The following LRRTM4 variants were observed in gnomAD, a reference collection of about 807,000 sequenced individuals.
The protein encoded by LRRTM4 is leucine-rich repeat transmembrane neuronal protein 4.
LRRTM4 carries 25 observed loss-of-function variants against 47.6 expected under a neutral mutation model. The ratio of observed to expected loss-of-function variants is 0.53; its 90% CI spans 0.38 to 0.73. LRRTM4 has a LOEUF of 0.73. Among genes scored for constraint, LRRTM4 ranks in the 30% least tolerant of loss-of-function variants. The pLI is 0.00. For synonymous variants in LRRTM4, 311 were observed against 269.5 expected, an observed-to-expected ratio of 1.15 and a Z score of -1.51; for missense variants, 638 against 713.4, an observed-to-expected ratio of 0.89 and a Z score of 1.20.
intron 3 of LRRTM4, among the ~76,000 whole-genome samples, chr2:76,994,800 CT>C (rs1457024195): frequency 6.6e-6 from 1 of 151,886 alleles, no homozygotes; most frequent in Non-Finnish European, 1.5e-5. Flanking sequence ...GTATTATCTG[CT>C]GTTTTGATGA....
At chr2:77,102,294 C>T (rs1034851868) in intron 3 of LRRTM4, among the ~76,000 whole-genome samples, 1 of 152,190 alleles carries the variant, frequency 6.6e-6, no homozygotes, top group Non-Finnish European at 1.5e-5. Flanking sequence ...TTCCCCATTC[C>T]TCTGCTTCCA....
chr2:76,772,742 T>C (rs932650931), intron 3 of LRRTM4, among the ~76,000 whole-genome samples: 1 of 152,210 alleles, frequency 6.6e-6, no homozygotes, highest in African/African-American at 2.4e-5. Context: ...ATAAGACATT[T>C]TGAGAAAGAG....
chr2:76,880,931 A>G (rs1046491422), intron 3 of LRRTM4, among the ~76,000 whole-genome samples: 3 of 152,160 alleles, frequency 2.0e-5, no homozygotes, highest in Admixed American at 6.6e-5. Context: ...CGAAGATACA[A>G]GAGTCTGGGA....
chr2:77,382,579 A>G (rs1012887892), intron 3 of LRRTM4, among the ~76,000 whole-genome samples: 2 of 152,070 alleles, frequency 1.3e-5, no homozygotes, highest in African/African-American at 4.8e-5. Flanking sequence ...AGTCTTGGCA[A>G]AGTTACTCTG....
At chr2:77,453,940 T>C (rs1464379095) in intron 3 of LRRTM4, among the ~76,000 whole-genome samples, 1 of 152,180 alleles carries the variant, frequency 6.6e-6, no homozygotes, top group South Asian at 2.1e-4. Flanking sequence ...GAGCAATTTC[T>C]TTTCTGGTTT....
chr2:76,842,701 CT>C (rs544585382), intron 3 of LRRTM4, among the ~76,000 whole-genome samples: 281 of 151,826 alleles, frequency 1.9e-3, no homozygotes, highest in Non-Finnish European at 1.9e-3. Flanking sequence ...CTCCAATTTT[CT>C]TTTTTTAACT....
chr2:77,009,474 A>G (rs993297887), intron 3 of LRRTM4: 7 of 152,106 alleles, frequency 4.6e-5, no homozygotes, highest in Non-Finnish European at 1.0e-4. Flanking sequence ...TGTATAAACT[A>G]TATCCTTCAA....
intron 3 of LRRTM4, among the ~76,000 whole-genome samples, chr2:76,822,608 A>G (rs1244104376): frequency 6.6e-6 from 1 of 151,572 alleles, no homozygotes; most frequent in Non-Finnish European, 1.5e-5. Flanking sequence ...TGCCACTCTG[A>G]GGAACAAAAA....
At chr2:77,082,769 C>A (rs755682553) in intron 3 of LRRTM4, among the ~76,000 whole-genome samples, 1 of 152,036 alleles carries the variant, frequency 6.6e-6, no homozygotes, top group Non-Finnish European at 1.5e-5. Flanking sequence ...TTGTTCTTCT[C>A]TAACAAGTAT....
At chr2:76,893,844 C>T (rs139342818) in intron 3 of LRRTM4, among the ~76,000 whole-genome samples, 1 of 151,900 alleles carries the variant, frequency 6.6e-6, no homozygotes, top group East Asian at 1.9e-4. Context: ...CTGAAAAACT[C>T]AAAATTGTAT....
chr2:77,180,473 T>G (rs1673317292), intron 3 of LRRTM4, among the ~76,000 whole-genome samples: 1 of 152,204 alleles, frequency 6.6e-6, no homozygotes, highest in Admixed American at 6.5e-5. Flanking sequence ...TTTTGTGACC[T>G]GTATAAGTCC....
chr2:77,280,932 G>T (rs528072978), intron 3 of LRRTM4, among the ~76,000 whole-genome samples: 2 of 151,938 alleles, frequency 1.3e-5, no homozygotes, highest in South Asian at 4.2e-4. Flanking sequence ...CAAATGCCTG[G>T]CTTAAATCCA....
rs917412762 is a variant in LRRTM4 at position 76,897,774 on chromosome 2, T to C, written c.1552-148858A>G. Among the ~76,000 whole-genome samples, 5 of 152,270 alleles carry C rather than the reference T, an allele frequency of 3.3e-5. No individual in the cohort carries two copies. In the South Asian group the frequency reaches 6.2e-4, roughly 19 times the overall value. On this transcript the variant is annotated intron_variant, in intron 3 of 3. Transcript: ENST00000409884. ...GAACTTGGAGGCATGTTAATTCCCA[T>C]TGCACAGTTAGGATTGTTACTGGCT...
chr2:76,871,404 T>A (rs1047481643), intron 3 of LRRTM4, among the ~76,000 whole-genome samples: 19 of 152,178 alleles, frequency 1.2e-4, no homozygotes, highest in African/African-American at 4.3e-4. Flanking sequence ...GACCACAGCC[T>A]GCATTCAACT....
intron 3 of LRRTM4, among the ~76,000 whole-genome samples, chr2:77,003,172 CTTATTTG>C (rs967090282): frequency 1.8e-4 from 20 of 109,800 alleles, no homozygotes; most frequent in African/African-American, 6.5e-4. Context: ...TTTTTATGTT[CTTATTTG>C]TTATTTTCTT....
chr2:77,464,724 C>T (rs968019457), intron 3 of LRRTM4, among the ~76,000 whole-genome samples: 5 of 152,016 alleles, frequency 3.3e-5, no homozygotes, highest in African/African-American at 1.2e-4. Flanking sequence ...CTATCCATTC[C>T]TTGATAGGAT....
intron 3 of LRRTM4, among the ~76,000 whole-genome samples, chr2:76,895,055 G>C (rs1479339811): frequency 6.6e-6 from 1 of 151,240 alleles, no homozygotes. Context: ...AAATACTTCG[G>C]CAAACATTTC....
At chr2:76,909,240 G>A (rs1461066856) in intron 3 of LRRTM4, among the ~76,000 whole-genome samples, 1 of 152,156 alleles carries the variant, frequency 6.6e-6, no homozygotes, top group Non-Finnish European at 1.5e-5. Flanking sequence ...ACAAGCAATG[G>A]GGAAAGGATT....
chr2:76,800,361 C>G (rs1675598485), intron 3 of LRRTM4, among the ~76,000 whole-genome samples: 1 of 135,458 alleles, frequency 7.4e-6, no homozygotes, highest in Non-Finnish European at 1.6e-5. Flanking sequence ...GAAAGGATTC[C>G]CTATTTAATA....
Sources: allele counts gnomAD v4.1 joint callset (sites outside exome capture counted in the v4.1 genomes callset), GRCh38; gene constraint gnomAD v4.1.1; transcripts MANE v1.5; gene names NCBI Gene and HGNC (gene_info 2026-07-23, HGNC 2026-07-21).